The following SCNN1D variants were observed in gnomAD, a reference collection of about 807,000 sequenced individuals.
SCNN1D encodes epithelial sodium channel subunit delta.
A neutral mutation model predicts 87.8 loss-of-function variants in SCNN1D; 104 were observed. The observed-to-expected ratio is 1.18, with a 90% CI of 1.01 to 1.39. SCNN1D has a LOEUF of 1.39. SCNN1D is among the 40% of genes most tolerant of loss of function. The pLI, the probability that SCNN1D is intolerant of heterozygous loss-of-function variation, is 0.00. For missense variants in SCNN1D, 1,324 were observed against 1,093.9 expected (o/e 1.21, Z -2.97); for synonymous variants, 628 against 481.2 (o/e 1.31, Z -3.99).
chr1:1,286,957 C>T lies in SCNN1D; in HGVS notation c.1101C>T (p.Val367=). The T allele has an allele frequency of 6.2e-7, 1 of 1,612,132 alleles. No homozygotes were observed. Among genetic ancestry groups the T allele is most frequent in the Non-Finnish European group, 8.5e-7 (1 of 1,179,680 alleles). ...GGCTGAGCCACTCGGGCAGCCGGGT[C>T]AGAGTGGGGTTCAGACTGGTGAGTG... ...LQRLSHSGSR[V]RVGFRLCNST... The change falls in exon 8 of 18, where the codon GTC becomes GTT. Residue 367 remains valine (V), a synonymous_variant. Coordinates refer to ENST00000379116, the MANE Select transcript of SCNN1D (RefSeq NM_001130413.4).
At position 1,291,094 on chromosome 1, in the gene SCNN1D, A is replaced by G. The variant is rs1640797326; in HGVS notation, c.2006A>G (p.Tyr669Cys). 1 of 1,612,136 alleles carries G rather than the reference A, an allele frequency of 6.2e-7. No individual in the cohort carries two copies. The highest frequency in any genetic ancestry group is 2.2e-5 in the East Asian group (1 of 44,874). Reference sequence around the variant, plus strand: ...AGCCTGGCCAAAATCAACATCGTCTACCAGGAGCTCAACTACCGCTCAGTG... The same window carrying G: ...AGCCTGGCCAAAATCAACATCGTCTGCCAGGAGCTCAACTACCGCTCAGTG... ...RSSLAKINIV[Y>C]QELNYRSVEE... Residue 669 changes from tyrosine to cysteine, a missense_variant, in exon 17 of 18, where the codon TAC becomes TGC. Physicochemically the swap from Tyr to Cys is radical, Grantham distance 194. Coordinates refer to ENST00000379116, the MANE Select transcript of SCNN1D (RefSeq NM_001130413.4).
intron 7 of SCNN1D, 147 bp from the exon 8 acceptor site, chr1:1,286,621 G>C: frequency 1.3e-6 from 1 of 771,336 alleles, no homozygotes; most frequent in Non-Finnish European, 2.1e-6. Flanking sequence ...GGCAGCCACG[G>C]CCTCCAACTC....
chr1:1,284,390 C>G (rs904212872), intron 5 of SCNN1D, among the ~76,000 whole-genome samples: 1 of 150,560 alleles, frequency 6.6e-6, no homozygotes, highest in East Asian at 2.0e-4. Context: ...GGTCTCTTTC[C>G]GATGCCTGGC....
chr1:1,290,193 T>C lies in SCNN1D; in HGVS notation c.1663-78T>C, dbSNP rs1640748692. ...GTGTCCCTGCTCCGTCCCGTGTCCC[T>C]GCTCCGTCCCGTGTCTCTGCCCCGT... is the stretch of plus-strand genomic sequence containing the variant. On this transcript the variant is annotated intron_variant, in intron 12 of 17. Transcript: ENST00000379116. The C allele has an allele frequency of 2.0e-5, 19 of 950,010 alleles. 2 individuals are homozygous for C. Among genetic ancestry groups the C allele is most frequent in the Non-Finnish European group, 2.8e-5 (18 of 643,464 alleles). 58.8% of individuals were successfully genotyped at this position (950,010 alleles called of 1,614,324 possible). A position where few individuals can be genotyped will look rare whatever the true frequency, so the allele number is the denominator to read the frequency against.
chr1:1,286,064 A>G lies in SCNN1D; in HGVS notation c.697A>G (p.Ile233Val), dbSNP rs1343177903. The G allele has an allele frequency of 5.6e-6, 9 of 1,596,316 alleles. No individual in the cohort carries two copies. In the East Asian group the frequency reaches 1.4e-4, roughly 24 times the overall value. The part of the protein sequence containing the change: ...LLTFFCTNAT[I>V]HGAIRLVCSR... ...CACCTTCTTCTGCACCAATGCCACC[A>G]TCCACGGCGCCATCCGCCTGGTCTG... Residue 233 changes from isoleucine to valine, a missense_variant, in exon 7 of 18, where the codon ATC (isoleucine) becomes GTC (valine). Coordinates refer to ENST00000379116, the MANE Select transcript of SCNN1D (RefSeq NM_001130413.4).
chr1:1,281,187 G>A, intron 1 of SCNN1D, 39 bp from the exon 2 acceptor site: 1 of 1,527,304 alleles, frequency 6.5e-7, no homozygotes, highest in African/African-American at 1.4e-5. Context: ...GGAGGTCCTG[G>A]CTGGGGTCCC....
At chr1:1,287,888 G>T in intron 11 of SCNN1D, 51 bp from the exon 12 acceptor site, 1 of 1,518,688 alleles carries the variant, frequency 6.6e-7, no homozygotes, top group South Asian at 1.2e-5. Flanking sequence ...GCCCAACCTG[G>T]GCTTTGGGGG....
Position 1,282,305 on chromosome 1 carries a change from A to G in SCNN1D, c.341A>G (p.Gln114Arg). ...TCACCGGTGGCAGCTGCTTCCTTCC[A>G]GAGCCGGCAGGCAGGTGACCTCACC... is the stretch of plus-strand genomic sequence containing the variant. ...RTSPVAAASF[Q>R]SRQEARGSIL... The change falls in exon 4 of 18, where the codon CAG (glutamine) becomes CGG (arginine). Residue 114 changes from glutamine to arginine, a missense_variant. Coordinates refer to ENST00000379116, the MANE Select transcript of SCNN1D (RefSeq NM_001130413.4). 6.5e-7 allele frequency: 1 copy of G among 1,550,154 alleles called. No individual in the cohort carries two copies.
Position 1,291,489 on chromosome 1 carries a change from C to G in SCNN1D, c.2288C>G (p.Ser763Ter). 6.2e-7 allele frequency: 1 copy of G among 1,609,612 alleles called. No homozygotes were observed. The highest frequency in any genetic ancestry group is 8.5e-7 in the Non-Finnish European group (1 of 1,178,064). The change falls in exon 18 of 18, where the codon TCA (serine) becomes TGA (stop). Residue 763 changes from serine (S) to a stop codon, truncating the protein, a stop_gained. Coordinates refer to ENST00000379116, the MANE Select transcript of SCNN1D (RefSeq NM_001130413.4). LOFTEE classifies it low-confidence loss of function (END_TRUNC). Reference protein sequence around the residue: ...SQMPPPAGGTSDDPEPSGPHL... With the variant: ...SQMPPPAGGT ...ATGCCCCCGCCTGCAGGCGGCACGTCAGATGACCCGGAGCCCAGCGGGCCT... is the reference window on the plus strand; with the variant it reads ...ATGCCCCCGCCTGCAGGCGGCACGTGAGATGACCCGGAGCCCAGCGGGCCT...
rs767366233 is a variant in SCNN1D at position 1,286,909 on chromosome 1, G to A, written c.1053G>A (p.Leu351=). The A allele has an allele frequency of 6.2e-7, 1 of 1,611,836 alleles. No individual in the cohort carries two copies. Among genetic ancestry groups the A allele is most frequent in the African/African-American group, 1.3e-5 (1 of 74,648 alleles). Residue 351 remains leucine (L), a synonymous_variant, in exon 8 of 18, where the codon CTG becomes CTA. Transcript: ENST00000379116. ...CCCGCCACGAGCCCCCCTTCCACCT[G>A]GACCGGGAGATCCGTCTGCAGAGGC... ...TVPRHEPPFH[L]DREIRLQRLS...
In SCNN1D at chr1:1,291,271, G is replaced by C. The variant is rs2229833; in HGVS notation, c.2070G>C (p.Ser690=). 37,778 of 1,561,378 alleles carry C rather than the reference G, an allele frequency of 0.024. 545 individuals are homozygous for C. The highest frequency in any genetic ancestry group is 0.034 in the South Asian group (2,902 of 84,426). ...APVYSVPQLL[S]AMGSLCSLWF... ...ACCCGCAGGTGCCGCAGCTGCTCTCGGCCATGGGCAGCCTCTGCAGCCTGT... is the reference window on the plus strand; with the variant it reads ...ACCCGCAGGTGCCGCAGCTGCTCTCCGCCATGGGCAGCCTCTGCAGCCTGT... The change falls in exon 18 of 18, where the codon TCG becomes TCC. Residue 690 remains serine, a synonymous_variant. Coordinates refer to ENST00000379116, the MANE Select transcript of SCNN1D (RefSeq NM_001130413.4).
Position 1,290,619 on chromosome 1 carries a change from C to G in SCNN1D, c.1860-18C>G. The G allele has an allele frequency of 6.2e-7, 1 of 1,612,616 alleles. No individual in the cohort carries two copies. Among genetic ancestry groups the G allele is most frequent in the Non-Finnish European group, 8.5e-7 (1 of 1,179,920 alleles). Reference sequence around the variant, plus strand: ...GCCCCAGGTAGCGTGGCAGGTGACACCCGGCTGTCTCTTCCAGGGAGTCTG... The same window carrying G: ...GCCCCAGGTAGCGTGGCAGGTGACAGCCGGCTGTCTCTTCCAGGGAGTCTG... On this transcript the variant is annotated intron_variant, in intron 14 of 17. Transcript: ENST00000379116.
chr1:1,290,754 A>G, intron 15 of SCNN1D, 60 bp downstream of exon 15: 1 of 1,600,960 alleles, frequency 6.2e-7, no homozygotes, highest in East Asian at 2.2e-5. Flanking sequence ...CACAGGTCCC[A>G]CAGAGCCCAC....
Position 1,291,119 on chromosome 1 carries a change from G to T in SCNN1D, c.2031G>T (p.Val677=). 6.2e-7 allele frequency: 1 copy of T among 1,612,190 alleles called. No individual in the cohort carries two copies. Among genetic ancestry groups the T allele is most frequent in the Non-Finnish European group, 8.5e-7 (1 of 1,179,750 alleles). The part of the protein sequence containing the change: ...IVYQELNYRS[V]EEAPVYSVPQ... ...ACCAGGAGCTCAACTACCGCTCAGT[G>T]GAGGAGGCGCCCGTGTACTCGGTGA... is the stretch of plus-strand genomic sequence containing the variant. The change falls in exon 17 of 18, where the codon GTG becomes GTT. Residue 677 remains valine, a synonymous_variant. Coordinates refer to ENST00000379116, the MANE Select transcript of SCNN1D (RefSeq NM_001130413.4).
At position 1,291,247 on chromosome 1, in the gene SCNN1D, CCCGCAGGTG is replaced by C; in HGVS notation, c.2053_2061del (p.Val685_Gln687del). 1.3e-6 allele frequency: 2 copies of C among 1,557,918 alleles called. No homozygotes were observed. The highest frequency in any genetic ancestry group is 1.4e-5 in the African/African-American group (1 of 73,480). ...GCCCGCCCCTCACACCCGCACCCCACCCGCAGGTGCCGCAGCTGCTCTCGGCCATGGGCA... is the reference window on the plus strand; with the variant it reads ...GCCCGCCCCTCACACCCGCACCCCACCCGCAGCTGCTCTCGGCCATGGGCA... On this transcript the variant is annotated splice_acceptor_variant and splice_polypyrimidine_tract_variant and coding_sequence_variant and intron_variant, in exon 18 of 18. Transcript: ENST00000379116. LOFTEE classifies it high-confidence loss of function.
At chr1:1,285,835 G>T (rs901403658) in intron 6 of SCNN1D, 91 bp from the exon 7 acceptor site, 11 of 1,343,574 alleles carry the variant, frequency 8.2e-6, no homozygotes, top group Middle Eastern at 1.9e-4. Flanking sequence ...AGGTAGGGCG[G>T]GGCACTGGTG....
intron 5 of SCNN1D, among the ~76,000 whole-genome samples, chr1:1,284,316 A>T (rs1247517129): frequency 1.5e-4 from 8 of 52,388 alleles, no homozygotes; most frequent in African/African-American, 2.3e-4. Context: ...GGTGGGGGGT[A>T]GGGGTGGGGG....
Position 1,288,149 on chromosome 1 carries a change from G to A in SCNN1D, c.1662+112G>A, listed in dbSNP as rs78481580. On this transcript the variant is annotated intron_variant, in intron 12 of 17. Coordinates refer to ENST00000379116, the MANE Select transcript of SCNN1D (RefSeq NM_001130413.4). Reference sequence around the variant, plus strand: ...GGAGAGTACTAGAGGGCCTGGGAACGGGGCAGTCCCCGTGGAGGCCCGCAC... The same window carrying A: ...GGAGAGTACTAGAGGGCCTGGGAACAGGGCAGTCCCCGTGGAGGCCCGCAC... 3.9e-5 allele frequency: 31 copies of A among 797,138 alleles called. 1 individual carries two copies. The highest frequency in any genetic ancestry group is 3.1e-4 in the South Asian group (17 of 55,630). The allele number at this position is 797,138 out of a possible 1,614,324, so 49.4% of individuals were successfully genotyped here.
intron 12 of SCNN1D, among the ~76,000 whole-genome samples, chr1:1,288,247 CTGCTCCGTCCCGTGTCT>C (rs1640661855): frequency 5.1e-5 from 7 of 136,040 alleles, no homozygotes; most frequent in East Asian, 2.3e-4. Flanking sequence ...TCCCGTGTCT[CTGCTCCGTCCCGTGTCT>C]CTGCTCCGTC....
Sources: allele counts gnomAD v4.1 joint callset (sites outside exome capture counted in the v4.1 genomes callset), GRCh38; gene constraint gnomAD v4.1.1; transcripts MANE v1.5; gene names NCBI Gene and HGNC (gene_info 2026-07-23, HGNC 2026-07-21).